Variants in SMARCA4 observed in about 807,000 individuals in gnomAD.
SMARCA4 encodes the protein SWI/SNF-related matrix-associated actin-dependent regulator of chromatin subfamily A member 4.
Under a neutral mutation model 193.9 loss-of-function variants are expected in SMARCA4, and 31 were observed. That is an observed-to-expected ratio of 0.16 (90% CI 0.12 to 0.22). The LOEUF (loss-of-function observed/expected upper bound fraction) is 0.22. SMARCA4 is among the 10% of genes least tolerant of loss of function. SMARCA4 has a pLI of 1.00. For synonymous variants in SMARCA4, 942 were observed against 933.1 expected (o/e 1.01, Z -0.17); for missense variants, 1,148 against 2,296.0 (o/e 0.50, Z 10.22).
intron 13 of SMARCA4, among the ~76,000 whole-genome samples, chr19:11,007,102 A>G (rs1042786839): frequency 1.3e-5 from 2 of 151,902 alleles, no homozygotes; most frequent in Non-Finnish European, 2.9e-5. Flanking sequence ...TAACAAAAAA[A>G]AGGAAGTGTC....
At chr19:11,000,859 C>CAA (rs539982586) in intron 11 of SMARCA4, among the ~76,000 whole-genome samples, 10 of 82,026 alleles carry the variant, frequency 1.2e-4, no homozygotes, top group East Asian at 9.5e-4. Flanking sequence ...GACTCTGTCT[C>CAA]AAAAAAAAAA....
chr19:10,982,522 C>T (rs1367946219), intron 1 of SMARCA4, among the ~76,000 whole-genome samples: 13 of 147,970 alleles, frequency 8.8e-5, no homozygotes, highest in Admixed American at 4.7e-4. Context: ...TTTTTTGAGA[C>T]GGAGTCTTGC....
At chr19:10,990,643 G>C (rs1471278972) in intron 7 of SMARCA4, among the ~76,000 whole-genome samples, 4 of 151,670 alleles carry the variant, frequency 2.6e-5, no homozygotes, top group Non-Finnish European at 5.9e-5. Context: ...GAACTCCTGA[G>C]CTCAAGCCAT....
chr19:11,015,158 A>G (rs1358727142), intron 16 of SMARCA4, among the ~76,000 whole-genome samples: 1 of 152,172 alleles, frequency 6.6e-6, no homozygotes, highest in Non-Finnish European at 1.5e-5. Flanking sequence ...AAGAATTGCT[A>G]TGCACCCTTC....
At chr19:11,010,738 CAG>C (rs1350670505) in intron 15 of SMARCA4, among the ~76,000 whole-genome samples, 1 of 152,144 alleles carries the variant, frequency 6.6e-6, no homozygotes, top group Non-Finnish European at 1.5e-5. Context: ...CGTGCAACAG[CAG>C]AAAGTCAGTG....
At position 11,034,938 on chromosome 19, in the gene SMARCA4, G is replaced by T. The variant is rs1482864360; in HGVS notation, c.3976G>T (p.Glu1326Ter). The T allele has an allele frequency of 6.3e-7, 1 of 1,580,916 alleles. No homozygotes were observed. Among genetic ancestry groups the T allele is most frequent in the Non-Finnish European group, 8.6e-7 (1 of 1,165,062 alleles). ...GCGCATGGACCTGGACCGCAGGCGC[G>T]AGGAGGCCCGCAACCCCAAGCGGAA... ...FMRMDLDRRR[E>*]EARNPKRKPR... Residue 1326 changes from glutamate (E) to a stop codon, truncating the protein, a stop_gained, in exon 29 of 35, where the codon GAG becomes TAG. Coordinates refer to ENST00000344626, the MANE Select transcript of SMARCA4 (RefSeq NM_003072.5). LOFTEE classifies it high-confidence loss of function. The surrounding 1 kb of genome is among the most constrained non-coding windows in gnomAD (Gnocchi z 7.0).
In SMARCA4 at chr19:10,986,292, G is replaced by A. The variant is rs372931195; in HGVS notation, c.459G>A (p.Pro153=). Residue 153 remains proline, a synonymous_variant, in exon 4 of 35, where the codon CCG becomes CCA. Coordinates refer to ENST00000344626, the MANE Select transcript of SMARCA4 (RefSeq NM_003072.5). The surrounding 1 kb of genome is among the most constrained non-coding windows in gnomAD (Gnocchi z 6.7). ...TGTCTTCCGGGCCAGGAGGTGCCCC[G>A]CTGGATGGTGCTGACCCCCAGGCCT... ...PQMSSGPGGA[P]LDGADPQALG... 4.0e-5 allele frequency: 64 copies of A among 1,613,548 alleles called. No individual in the cohort carries two copies. The Middle Eastern group carries it at 4.9e-4, about 12-fold the overall frequency.
At chr19:11,049,788 G>A (rs1419238142) in intron 30 of SMARCA4, among the ~76,000 whole-genome samples, 1 of 152,174 alleles carries the variant, frequency 6.6e-6, no homozygotes, top group Non-Finnish European at 1.5e-5. Context: ...ACAGTGATAG[G>A]GCAGAGATGC....
At chr19:11,036,621 C>T (rs2075285694) in intron 29 of SMARCA4, among the ~76,000 whole-genome samples, 1 of 152,142 alleles carries the variant, frequency 6.6e-6, no homozygotes, top group African/African-American at 2.4e-5. Flanking sequence ...TACGTGGCTG[C>T]TCTATGTACA....
At chr19:10,968,551 T>C (rs1245120111) in intron 1 of SMARCA4, among the ~76,000 whole-genome samples, 1 of 152,094 alleles carries the variant, frequency 6.6e-6, no homozygotes, top group Non-Finnish European at 1.5e-5. Flanking sequence ...ACTCGCTGTG[T>C]TACTTAGGCT....
Position 11,019,515 on chromosome 19 carries a change from G to A in SMARCA4, c.2506-76G>A. ...CCCGCCGTGTCACTGGGCAGTTGCAGGGGGTGCCTGTGCCCCTCTTGCCAC... is the reference window on the plus strand; with the variant it reads ...CCCGCCGTGTCACTGGGCAGTTGCAAGGGGTGCCTGTGCCCCTCTTGCCAC... On this transcript the variant is annotated intron_variant, in intron 17 of 34. Coordinates refer to ENST00000344626, the MANE Select transcript of SMARCA4 (RefSeq NM_003072.5). This position sits in a 1 kb window ranked among gnomAD's most constrained non-coding sequence, Gnocchi z 6.1. 1.2e-6 allele frequency: 1 copy of A among 867,938 alleles called. No individual in the cohort carries two copies. Among genetic ancestry groups the A allele is most frequent in the Non-Finnish European group, 1.9e-6 (1 of 525,922 alleles). 53.8% of individuals were successfully genotyped at this position (867,938 alleles called of 1,614,324 possible).
chr19:10,994,215 G>A (rs11669743), intron 8 of SMARCA4, among the ~76,000 whole-genome samples: 4,995 of 149,934 alleles, frequency 0.033, 125 homozygotes, highest in Non-Finnish European at 0.041. Flanking sequence ...AATATTTTTT[G>A]TATTTGTAGT....
At chr19:11,029,457 G>A (rs2090489964) in intron 24 of SMARCA4, among the ~76,000 whole-genome samples, 1 of 152,270 alleles carries the variant, frequency 6.6e-6, no homozygotes, top group Admixed American at 6.5e-5. Context: ...GGAAGGGTAG[G>A]AGCTCAGTGA....
rs932989810 is a variant in SMARCA4 at position 11,033,107 on chromosome 19, G to C, written c.3547-183G>C. 1.5e-6 allele frequency: 1 copy of C among 672,514 alleles called. No homozygotes were observed. The highest frequency in any genetic ancestry group is 2.7e-6 in the Non-Finnish European group (1 of 366,940). 41.7% of individuals were successfully genotyped at this position (672,514 alleles called of 1,614,324 possible). On this transcript the variant is annotated intron_variant, in intron 25 of 34. Coordinates refer to ENST00000344626, the MANE Select transcript of SMARCA4 (RefSeq NM_003072.5). The surrounding 1 kb of genome is among the most constrained non-coding windows in gnomAD (Gnocchi z 9.8). ...AACGTGATGAGAGTCCCCTTCCCCC[G>C]AGGGACACATGGCGGCCCAGGCTCC...
Position 10,995,103 on chromosome 19 carries a change from C to T in SMARCA4, c.1593+102C>T, listed in dbSNP as rs575825033. 979 of 1,136,846 alleles carry T rather than the reference C, an allele frequency of 8.6e-4. 4 individuals carry two copies. The highest frequency in any genetic ancestry group is 5.8e-4 in the Non-Finnish European group (450 of 771,124). 70.4% of individuals were successfully genotyped at this position (1,136,846 alleles called of 1,614,324 possible). ...GGTTACGCCAAGGCATTTCACAGCT[C>T]GGAGTTAGAGGTGGGACAGAGGGAA... is the stretch of plus-strand genomic sequence containing the variant. On this transcript the variant is annotated intron_variant, in intron 9 of 34. Transcript: ENST00000344626.
intron 6 of SMARCA4, 141 bp downstream of exon 6, chr19:10,988,065 C>G: frequency 1.3e-6 from 1 of 762,874 alleles, no homozygotes; most frequent in Non-Finnish European, 2.2e-6. Flanking sequence ...TCCTTCCTCA[C>G]CTCCCTGCTC....
rs1326114455 is a variant in SMARCA4, at chr19:11,033,611, A to AT, written c.3774+102dup. The AT allele has an allele frequency of 1.2e-4, 113 of 941,578 alleles. No homozygotes were observed. The highest frequency in any genetic ancestry group is 2.0e-4 in the Admixed American group (11 of 54,668). 58.3% of individuals were successfully genotyped at this position (941,578 alleles called of 1,614,324 possible). A position where few individuals can be genotyped will look rare whatever the true frequency, so the allele number is the denominator to read the frequency against. On this transcript the variant is annotated intron_variant, in intron 26 of 34. Transcript: ENST00000344626. The surrounding 1 kb of genome is among the most constrained non-coding windows in gnomAD (Gnocchi z 9.8). ...GTTTTTTTACCTTTTTTGCACTCTT[A>AT]TTTTTTTTGCATCCCTTTGGAGTAA...
intron 1 of SMARCA4, among the ~76,000 whole-genome samples, chr19:10,970,925 A>C (rs117239870): frequency 6.6e-6 from 1 of 152,132 alleles, no homozygotes; most frequent in Non-Finnish European, 1.5e-5. Flanking sequence ...TGGGCCAGGC[A>C]CGGTGGCTCA....
In SMARCA4 at chr19:11,010,542, G is replaced by C. The variant is rs2088726336; in HGVS notation, c.2274+11G>C. 6.2e-7 allele frequency: 1 copy of C among 1,612,608 alleles called. No individual in the cohort carries two copies. Among genetic ancestry groups the C allele is most frequent in the Non-Finnish European group, 8.5e-7 (1 of 1,179,720 alleles). ...CTCAAACAGTACCAGGTGAGGTAGG[G>C]GGTGGGGAGGCCACCGCCACGTAGC... On this transcript the variant is annotated intron_variant, in intron 15 of 34. Coordinates refer to ENST00000344626, the MANE Select transcript of SMARCA4 (RefSeq NM_003072.5).
Sources: allele counts gnomAD v4.1 joint callset (sites outside exome capture counted in the v4.1 genomes callset), GRCh38; gene constraint gnomAD v4.1.1; non-coding constraint Gnocchi (gnomAD v3.1); transcripts MANE v1.5; gene names NCBI Gene and HGNC (gene_info 2026-07-23, HGNC 2026-07-21).